The following EIF4E1B variants were observed in gnomAD, a reference collection of about 807,000 sequenced individuals.
EIF4E1B encodes the protein eukaryotic translation initiation factor 4E type 1B.
In EIF4E1B, 22 loss-of-function variants were observed where a neutral mutation model predicts 31.3. That is an observed-to-expected ratio of 0.70 (90% CI 0.50 to 1.00). The LOEUF is 1.00. Ranked by LOEUF, EIF4E1B falls within the 50% of genes least tolerant of loss-of-function variation. The pLI is 0.00. For synonymous variants in EIF4E1B, 126 were observed against 120.2 expected, an observed-to-expected ratio of 1.05 and a Z score of -0.31; for missense variants, 290 against 311.6, an observed-to-expected ratio of 0.93 and a Z score of 0.52.
chr5:176,640,182 G>A lies in EIF4E1B; in HGVS notation c.-201-1861G>A, dbSNP rs533247616. Among the ~76,000 whole-genome samples the A allele has an allele frequency of 5.9e-5, 9 of 152,298 alleles. No homozygotes were observed. In the South Asian group the frequency reaches 1.4e-3, roughly 25 times the overall value. ...GCTCTGGGAACCCAGCCACCACGCCGGGAAGAAGCCAAGCAGCCACATGGA... is the reference window on the plus strand; with the variant it reads ...GCTCTGGGAACCCAGCCACCACGCCAGGAAGAAGCCAAGCAGCCACATGGA... On this transcript the variant is annotated intron_variant, in intron 1 of 8. Coordinates refer to ENST00000318682, the MANE Select transcript of EIF4E1B (RefSeq NM_001099408.2).
rs752064162 is a variant in EIF4E1B, at chr5:176,643,659, A to G, written c.221A>G (p.Lys74Arg). 1.2e-6 allele frequency: 2 copies of G among 1,610,716 alleles called. No individual in the cohort carries two copies. Among genetic ancestry groups the G allele is most frequent in the Non-Finnish European group, 1.7e-6 (2 of 1,178,526 alleles). Residue 74 changes from lysine to arginine, a missense_variant, in exon 5 of 9, where the codon AAG (lysine) becomes AGG (arginine). Transcript: ENST00000318682. ...ACCAGGTGGGCTCTGTGGTTCTTCA[A>G]GAATGACCGCAGCCGGGCCTGGCAG... ...LQNRWALWFF[K>R]NDRSRAWQDN...
intron 1 of EIF4E1B, among the ~76,000 whole-genome samples, chr5:176,634,710 C>T (rs1760466838): frequency 7.2e-6 from 1 of 138,016 alleles, no homozygotes; most frequent in African/African-American, 2.7e-5. Context: ...TGCTGTGATG[C>T]CCAGGCTAGA....
At chr5:176,635,963 C>T (rs538481139) in intron 1 of EIF4E1B, among the ~76,000 whole-genome samples, 1 of 152,234 alleles carries the variant, frequency 6.6e-6, no homozygotes, top group Admixed American at 6.5e-5. Flanking sequence ...ACCACAGGCA[C>T]ATGCCACCAT....
At chr5:176,634,491 T>C (rs147020366) in intron 1 of EIF4E1B, among the ~76,000 whole-genome samples, 45 of 152,240 alleles carry the variant, frequency 3.0e-4, no homozygotes, top group African/African-American at 8.9e-4. Context: ...ATGAGACAGA[T>C]AACGTAGATA....
chr5:176,643,924 G>C (rs1760644199), intron 5 of EIF4E1B, 190 bp downstream of exon 5: 2 of 622,176 alleles, frequency 3.2e-6, no homozygotes, highest in Non-Finnish European at 5.5e-6. Flanking sequence ...CAGGGAGAGA[G>C]CCTGGGGAGC....
At chr5:176,634,191 A>G (rs974634056) in intron 1 of EIF4E1B, among the ~76,000 whole-genome samples, 19 of 152,116 alleles carry the variant, frequency 1.2e-4, no homozygotes, top group African/African-American at 4.6e-4. Context: ...GGAATGACAG[A>G]CAAGCTGGAG....
Position 176,643,750 on chromosome 5 carries a change from C to T in EIF4E1B, c.296+16C>T. ...ACTTCTGGGCGTGAGTGTCTGTCCC[C>T]AGTGGGGCTAGAGTTGGGGGGCTCT... is the stretch of plus-strand genomic sequence containing the variant. On this transcript the variant is annotated intron_variant, in intron 5 of 8. Coordinates refer to ENST00000318682, the MANE Select transcript of EIF4E1B (RefSeq NM_001099408.2). The T allele has an allele frequency of 3.1e-6, 5 of 1,606,684 alleles. No individual in the cohort carries two copies. Among genetic ancestry groups the T allele is most frequent in the Non-Finnish European group, 4.3e-6 (5 of 1,176,454 alleles).
At chr5:176,635,081 C>T (rs544734888) in intron 1 of EIF4E1B, among the ~76,000 whole-genome samples, 83 of 152,068 alleles carry the variant, frequency 5.5e-4, no homozygotes, top group Middle Eastern at 3.4e-3. Flanking sequence ...TGAGTGTGAT[C>T]GTCCGGGGGT....
intron 3 of EIF4E1B, 32 bp downstream of exon 3, chr5:176,642,834 A>G: frequency 6.8e-7 from 1 of 1,462,848 alleles, no homozygotes; most frequent in South Asian, 1.3e-5. Flanking sequence ...CCCCCAGTGC[A>G]CCATGGCCCC....
Position 176,646,201 on chromosome 5 carries a change from G to C in EIF4E1B, c.*221G>C. 15 of 486,520 alleles carry C rather than the reference G, an allele frequency of 3.1e-5. No individual in the cohort carries two copies. Among genetic ancestry groups the C allele is most frequent in the Non-Finnish European group, 7.5e-6 (2 of 267,912 alleles). 30.1% of individuals were successfully genotyped at this position (486,520 alleles called of 1,614,324 possible). ...GACCTAGCTTGTCCTGGGGCCACAG[G>C]ACAGCAGCAGGGTGGAAAAAACTCC... On this transcript the variant is annotated 3_prime_UTR_variant, in exon 9 of 9. Transcript: ENST00000318682.
At chr5:176,634,914 C>T (rs1407676625) in intron 1 of EIF4E1B, among the ~76,000 whole-genome samples, 1 of 152,014 alleles carries the variant, frequency 6.6e-6, no homozygotes, top group Non-Finnish European at 1.5e-5. Flanking sequence ...ATGATCCGCC[C>T]ACCTCAGCCT....
At chr5:176,642,891 G>A in intron 3 of EIF4E1B, 89 bp downstream of exon 3, 1 of 1,507,768 alleles carries the variant, frequency 6.6e-7, no homozygotes, top group Non-Finnish European at 8.9e-7. Flanking sequence ...GGCAGGTGCT[G>A]GTGGGTTAAA....
intron 3 of EIF4E1B, 68 bp downstream of exon 3, chr5:176,642,870 C>CCCCCCCCGGGGGGGGGGGG: frequency 7.0e-7 from 1 of 1,426,048 alleles, no homozygotes; most frequent in East Asian, 2.6e-5. Context: ...CCCCCCGCCC[C>CCCCCCCCGGGGGGGGGGGG]AGGTGGGCGG....
intron 4 of EIF4E1B, 120 bp downstream of exon 4, chr5:176,643,386 A>G: frequency 7.8e-7 from 1 of 1,287,868 alleles, no homozygotes; most frequent in Non-Finnish European, 1.1e-6. Context: ...GTGGGAGGCC[A>G]GGGCTGACCT....
intron 1 of EIF4E1B, among the ~76,000 whole-genome samples, chr5:176,636,782 C>T (rs774754835): frequency 6.7e-4 from 102 of 152,350 alleles, no homozygotes; most frequent in Non-Finnish European, 1.2e-3. Context: ...CATTTTCATT[C>T]CCATTTTACA....
intron 1 of EIF4E1B, among the ~76,000 whole-genome samples, chr5:176,640,921 T>G (rs535173023): frequency 4.6e-5 from 7 of 152,216 alleles, no homozygotes; most frequent in Non-Finnish European, 1.0e-4. Flanking sequence ...TATTTCTTGT[T>G]TATGCTTTAG....
In EIF4E1B at chr5:176,646,095, G is replaced by A. The variant is rs750093538; in HGVS notation, c.*115G>A. ...GCCTAGTTCTTACCTGTCCTCAAGTGAACAGGAATGCAAACACTCTTTAAC... is the reference window on the plus strand; with the variant it reads ...GCCTAGTTCTTACCTGTCCTCAAGTAAACAGGAATGCAAACACTCTTTAAC... On this transcript the variant is annotated 3_prime_UTR_variant, in exon 9 of 9. Transcript: ENST00000318682. 1.2e-6 allele frequency: 1 copy of A among 855,542 alleles called. No homozygotes were observed. The highest frequency in any genetic ancestry group is 1.8e-6 in the Non-Finnish European group (1 of 542,230). 53.0% of individuals were successfully genotyped at this position (855,542 alleles called of 1,614,324 possible).
intron 1 of EIF4E1B, among the ~76,000 whole-genome samples, chr5:176,640,372 T>C (rs1358115159): frequency 1.3e-5 from 2 of 152,242 alleles, no homozygotes; most frequent in Non-Finnish European, 2.9e-5. Flanking sequence ...TACTGAGCAC[T>C]ACCCACATTG....
At chr5:176,641,686 A>T (rs1334795668) in intron 1 of EIF4E1B, 1 of 152,414 alleles carries the variant, frequency 6.6e-6, no homozygotes, top group East Asian at 1.9e-4. Context: ...CTGTGGGTTG[A>T]GCAAATACTC....
Sources: allele counts gnomAD v4.1 joint callset (sites outside exome capture counted in the v4.1 genomes callset), GRCh38; gene constraint gnomAD v4.1.1; transcripts MANE v1.5; gene names NCBI Gene and HGNC (gene_info 2026-07-23, HGNC 2026-07-21).